SMIM7: variants seen among roughly 807,000 people sequenced by gnomAD.
SMIM7 encodes small integral membrane protein 7.
Under a neutral mutation model 13.3 loss-of-function variants are expected in SMIM7, and 12 were observed. The observed-to-expected ratio is 0.90, with a 90% CI of 0.58 to 1.46. The LOEUF (loss-of-function observed/expected upper bound fraction) is 1.46, where lower values mean the gene tolerates loss of function less well. SMIM7 is among the 40% of genes most tolerant of loss of function. The probability of loss-of-function intolerance (pLI) is 0.00; values close to 1 mark genes in which losing one functional copy is unlikely to be tolerated. For missense variants in SMIM7, 114 were observed against 94.8 expected (o/e 1.20, Z -0.84); for synonymous variants, 36 against 35.8 (o/e 1.01, Z -0.02).
intron 4 of SMIM7, among the ~76,000 whole-genome samples, chr19:16,649,769 A>T (rs2086496022): frequency 6.6e-6 from 1 of 152,198 alleles, no homozygotes; most frequent in Admixed American, 6.5e-5. Context: ...GAATAGTCAT[A>T]CAAGAGAATG....
At chr19:16,659,231 C>G (rs2086636346) in intron 3 of SMIM7, 164 bp downstream of exon 3, 1 of 696,654 alleles carries the variant, frequency 1.4e-6, no homozygotes, top group Non-Finnish European at 2.5e-6. Context: ...TGCAGTGAGC[C>G]ATGATCGCAC....
rs1346772017 is a variant in SMIM7, at chr19:16,634,777, T to TTA, written c.*138-3054_*138-3053insTA. 276 of 45,392 alleles carry TTA rather than the reference T, an allele frequency of 6.1e-3. 6 individuals are homozygous for TTA. Among genetic ancestry groups the TTA allele is most frequent in the African/African-American group, 0.032 (260 of 8,130 alleles). 2.8% of individuals were successfully genotyped at this position (45,392 alleles called of 1,614,324 possible). ...TGGGCAACAGACTGAGACTCTGTCT[T>TTA]AAAAAAAAAAAAAAAAAAAAAAAAA... is the stretch of plus-strand genomic sequence containing the variant. On this transcript the variant is annotated intron_variant and NMD_transcript_variant, in intron 4 of 4. Coordinates refer to the SMIM7 transcript ENST00000465250.
At chr19:16,635,944 C>G (rs562395745) in intron 4 of SMIM7, among the ~76,000 whole-genome samples, 2 of 145,256 alleles carry the variant, frequency 1.4e-5, no homozygotes, top group African/African-American at 2.6e-5. Flanking sequence ...ACAATTTGAC[C>G]CTGTGTTAGC....
At chr19:16,632,528 T>C (rs1568295908) in intron 4 of SMIM7, among the ~76,000 whole-genome samples, 1 of 149,156 alleles carries the variant, frequency 6.7e-6, no homozygotes, top group Non-Finnish European at 1.5e-5. Flanking sequence ...AGTCATTAAC[T>C]GTGAACATTT....
Position 16,646,808 on chromosome 19 carries a change from G to C in SMIM7, c.*438C>G, listed in dbSNP as rs2086454270. 1 of 226,820 alleles carries C rather than the reference G, an allele frequency of 4.4e-6. No homozygotes were observed. The highest frequency in any genetic ancestry group is 5.2e-5 in the Admixed American group (1 of 19,160). The allele number at this position is 226,820 out of a possible 1,614,324, so 14.1% of individuals were successfully genotyped here. A position where few individuals can be genotyped will look rare whatever the true frequency, so the allele number is the denominator to read the frequency against. The stretch of plus-strand genomic sequence containing the variant: ...TGAGTGGCCAAGCAGACCCTGTTGG[G>C]ATGTGAAAGCAGTTTGTTAACAGGG... On this transcript the variant is annotated 3_prime_UTR_variant, in exon 5 of 5. Transcript: ENST00000487416.
intron 4 of SMIM7, chr19:16,634,635 A>T (rs1388356279): frequency 2.0e-5 from 3 of 151,834 alleles, no homozygotes; most frequent in Non-Finnish European, 4.4e-5. Flanking sequence ...AAAATTAGGG[A>T]GGTGTGGTGG....
intron 4 of SMIM7, among the ~76,000 whole-genome samples, chr19:16,635,466 G>A (rs920981805): frequency 6.6e-6 from 1 of 151,794 alleles, no homozygotes; most frequent in African/African-American, 2.4e-5. Flanking sequence ...AGAGGACCAA[G>A]GTGCTGATGT....
Position 16,656,354 on chromosome 19 carries a change from C to T in SMIM7, c.122-2229G>A, listed in dbSNP as rs184844684. Among the ~76,000 whole-genome samples the T allele has an allele frequency of 1.3e-3, 192 of 152,036 alleles. 2 individuals are homozygous for T. Among genetic ancestry groups the T allele is most frequent in the African/African-American group, 4.3e-3 (179 of 41,474 alleles). ...AGTGAGCTGAGATCACGCCACTGCA[C>T]GCCTGGGCAACAGAGTGAGACTCTG... On this transcript the variant is annotated intron_variant, in intron 3 of 4. Transcript: ENST00000487416.
intron 3 of SMIM7, chr19:16,655,330 CTTCCAGGGT>C: frequency 2.2e-6 from 1 of 456,236 alleles, no homozygotes; most frequent in Non-Finnish European, 4.4e-6. Flanking sequence ...CTAGACCCTT[CTTCCAGGGT>C]TTCCAGTCAA....
intron 3 of SMIM7, 64 bp downstream of exon 3, chr19:16,659,331 C>T: frequency 7.8e-7 from 1 of 1,282,188 alleles, no homozygotes; most frequent in Non-Finnish European, 1.1e-6. Flanking sequence ...GAAGGTAGGG[C>T]TTGGCGAAAC....
downstream of SMIM7, among the ~76,000 whole-genome samples, chr19:16,641,844 G>A (rs1326229893): frequency 6.6e-6 from 1 of 152,178 alleles, no homozygotes; most frequent in Non-Finnish European, 1.5e-5. Flanking sequence ...GCTTCCCAAA[G>A]TGTGGGGATT....
At chr19:16,659,017 G>A (rs754985755) in intron 3 of SMIM7, 2 of 290,840 alleles carry the variant, frequency 6.9e-6, no homozygotes, top group Non-Finnish European at 1.3e-5. Flanking sequence ...AAAACTTGTG[G>A]CTCACGCCTG....
chr19:16,643,588 G>A (rs1279086036), downstream of SMIM7, among the ~76,000 whole-genome samples: 2 of 151,958 alleles, frequency 1.3e-5, no homozygotes, highest in African/African-American at 2.4e-5. Flanking sequence ...GTAGAGATAG[G>A]GTTTCACCAT....
intron 3 of SMIM7, among the ~76,000 whole-genome samples, chr19:16,655,680 C>CAAAAAAAAAA (rs869256040): frequency 7.8e-5 from 3 of 38,500 alleles, no homozygotes; most frequent in South Asian, 1.1e-3. Context: ...GACTCCATCT[C>CAAAAAAAAAA]AAAAAAAAAA....
intron 4 of SMIM7, among the ~76,000 whole-genome samples, chr19:16,635,899 A>AAAATAT (rs1200181092): frequency 5.7e-4 from 62 of 109,564 alleles, no homozygotes; most frequent in African/African-American, 2.0e-3. Flanking sequence ...AAAAAAAAAA[A>AAAATAT]ATATATATAT....
chr19:16,641,296 CT>C (rs1172564010), downstream of SMIM7: 4,809 of 137,416 alleles, frequency 0.035, 183 homozygotes, highest in African/African-American at 0.11. Context: ...TCTAATACAA[CT>C]TTTTTTTTTT....
chr19:16,658,289 T>G (rs1278452722), intron 3 of SMIM7, among the ~76,000 whole-genome samples: 2 of 152,246 alleles, frequency 1.3e-5, no homozygotes, highest in Non-Finnish European at 2.9e-5. Flanking sequence ...GTCTTACCCC[T>G]GCTGTACCCC....
intron 4 of SMIM7, chr19:16,634,364 C>G (rs1380922345): frequency 6.6e-6 from 1 of 152,172 alleles, no homozygotes; most frequent in Non-Finnish European, 1.5e-5. Context: ...CTGCAACTCA[C>G]TGTGACTAAG....
At chr19:16,644,341 C>T (rs188604439), downstream of SMIM7, among the ~76,000 whole-genome samples, 73 of 150,468 alleles carry the variant, frequency 4.9e-4, no homozygotes, top group African/African-American at 1.5e-3. Flanking sequence ...AGGTTGGTCT[C>T]GAACTCCTGA....
Sources: gnomAD v4.1 joint callset for allele counts (sites outside exome capture counted in the v4.1 genomes callset) on GRCh38, gnomAD v4.1.1 for gene constraint, MANE v1.5 for transcripts, NCBI Gene and HGNC (gene_info 2026-07-23, HGNC 2026-07-21) for gene names.